Variants in SLC12A1 observed in about 807,000 individuals in gnomAD.
The protein encoded by SLC12A1 is Na-K-2Cl cotransporter.
SLC12A1 carries 89 observed loss-of-function variants against 130.4 expected under a neutral mutation model. The observed-to-expected ratio is 0.68, with a 90% CI of 0.58 to 0.81. SLC12A1 has a LOEUF of 0.81. Ranked by LOEUF, SLC12A1 falls within the 40% of genes least tolerant of loss-of-function variation. SLC12A1 has a pLI of 0.00. For missense variants in SLC12A1, 1,310 were observed against 1,336.4 expected, an observed-to-expected ratio of 0.98 and a Z score of 0.31; for synonymous variants, 499 against 460.0, an observed-to-expected ratio of 1.08 and a Z score of -1.09.
intron 14 of SLC12A1, among the ~76,000 whole-genome samples, chr15:48,251,223 T>G (rs2041644499): frequency 6.6e-6 from 1 of 151,988 alleles, no homozygotes; most frequent in South Asian, 2.1e-4. Flanking sequence ...TTTCTTTCTC[T>G]GACAACCAAG....
intron 2 of SLC12A1, among the ~76,000 whole-genome samples, chr15:48,213,750 C>T (rs1274227013): frequency 2.0e-5 from 3 of 152,050 alleles, no homozygotes. Context: ...GTCTCGATCT[C>T]CTGACCTCGT....
In SLC12A1 at chr15:48,207,670, T is replaced by C; in HGVS notation, c.-50T>C. 2.1e-6 allele frequency: 3 copies of C among 1,444,992 alleles called. No individual in the cohort carries two copies. The highest frequency in any genetic ancestry group is 2.8e-6 in the Non-Finnish European group (3 of 1,089,786). 89.5% of individuals were successfully genotyped at this position (1,444,992 alleles called of 1,614,324 possible). ...TTTTGATGAAGAAATATATAGATTT[T>C]TTAAAACAACCACAAAGTAGATAGC... On this transcript the variant is annotated 5_prime_UTR_variant, in exon 2 of 27. Coordinates refer to ENST00000380993, the MANE Select transcript of SLC12A1 (RefSeq NM_000338.3).
chr15:48,208,052 G>A lies in SLC12A1; in HGVS notation c.333G>A (p.Lys111=). 1 of 1,613,954 alleles carries A rather than the reference G, an allele frequency of 6.2e-7. No homozygotes were observed. Among genetic ancestry groups the A allele is most frequent in the African/African-American group, 1.3e-5 (1 of 75,034 alleles). Residue 111 remains lysine (K), a synonymous_variant, in exon 2 of 27, where the codon AAG becomes AAA. Transcript: ENST00000380993. ...FGHNTMDAVP[K]IEYYRNTGSI... ...ACAACACCATGGATGCCGTTCCCAA[G>A]ATAGAGTACTATCGTAACACCGGCA...
At chr15:48,294,659 A>G (rs2141122994) in intron 24 of SLC12A1, among the ~76,000 whole-genome samples, 1 of 152,330 alleles carries the variant, frequency 6.6e-6, no homozygotes, top group South Asian at 2.1e-4. Flanking sequence ...TTGCAGTGAT[A>G]TAATCAAACA....
intron 17 of SLC12A1, among the ~76,000 whole-genome samples, chr15:48,263,629 T>C (rs1442690008): frequency 6.7e-6 from 1 of 150,146 alleles, no homozygotes; most frequent in East Asian, 1.9e-4. Flanking sequence ...ATGCAGTGAG[T>C]CCCTGCCTAA....
chr15:48,270,750 GTATATATA>G (rs71458477), intron 19 of SLC12A1, among the ~76,000 whole-genome samples: 2 of 1,044 alleles, frequency 1.9e-3, no homozygotes, highest in Non-Finnish European at 2.7e-3. Context: ...GTGTATGTGT[GTATATATA>G]TATATATATA....
At chr15:48,288,252 G>A in intron 22 of SLC12A1, 78 bp downstream of exon 22, 1 of 1,367,540 alleles carries the variant, frequency 7.3e-7, no homozygotes, top group Non-Finnish European at 1.0e-6. Flanking sequence ...AGGTATATGG[G>A]AACAATACTG....
chr15:48,251,824 T>C, intron 15 of SLC12A1, 54 bp downstream of exon 15: 4 of 1,517,514 alleles, frequency 2.6e-6, no homozygotes, highest in Non-Finnish European at 3.6e-6. Flanking sequence ...TAACTACTCA[T>C]TTATTAAGCA....
intron 24 of SLC12A1, among the ~76,000 whole-genome samples, chr15:48,295,871 G>A (rs1197088362): frequency 6.6e-6 from 1 of 152,188 alleles, no homozygotes; most frequent in African/African-American, 2.4e-5. Context: ...TGTTGGCAAT[G>A]GCTGTTCCAA....
intron 10 of SLC12A1, among the ~76,000 whole-genome samples, chr15:48,242,141 C>T (rs1229270184): frequency 1.3e-5 from 2 of 152,204 alleles, no homozygotes; most frequent in African/African-American, 4.8e-5. Context: ...CCAGCCCCTA[C>T]ATTGTTCAGT....
chr15:48,245,000 T>C, intron 11 of SLC12A1, 96 bp downstream of exon 11: 1 of 1,139,562 alleles, frequency 8.8e-7, no homozygotes, highest in East Asian at 2.5e-5. Context: ...GATTGATTAT[T>C]GGCTGATAAG....
At chr15:48,225,846 A>G (rs888429964) in intron 4 of SLC12A1, 6 of 965,454 alleles carry the variant, frequency 6.2e-6, no homozygotes, top group African/African-American at 1.8e-5. Context: ...TCCTCTTTCA[A>G]CTGAGGTCTT....
chr15:48,288,302 C>G, intron 22 of SLC12A1, 103 bp from the exon 23 acceptor site: 2 of 1,134,474 alleles, frequency 1.8e-6, no homozygotes. Context: ...AAGACTATAA[C>G]TTAATTAAGA....
At chr15:48,206,858 AT>A (rs530661117) in intron 1 of SLC12A1, among the ~76,000 whole-genome samples, 48 of 152,150 alleles carry the variant, frequency 3.2e-4, no homozygotes, top group African/African-American at 1.0e-3. Context: ...CTATATTCAT[AT>A]TTTTTTAAGG....
chr15:48,226,987 T>C, intron 5 of SLC12A1: 1 of 816,922 alleles, frequency 1.2e-6, no homozygotes, highest in Non-Finnish European at 2.0e-6. Context: ...GAGGTGGATC[T>C]TTCTGTGACA....
chr15:48,246,871 T>G (rs1158188837), intron 11 of SLC12A1, 38 bp from the exon 12 acceptor site: 2 of 1,397,310 alleles, frequency 1.4e-6, no homozygotes, highest in East Asian at 4.5e-5. Flanking sequence ...AGATTCCAAA[T>G]CACAGAAAGT....
chr15:48,293,155 C>T (rs1257405068), intron 24 of SLC12A1, among the ~76,000 whole-genome samples: 1 of 152,196 alleles, frequency 6.6e-6, no homozygotes, highest in African/African-American at 2.4e-5. Context: ...GCCATCTGCC[C>T]GCCTTATCCT....
chr15:48,247,225 C>A, intron 12 of SLC12A1, 112 bp from the exon 13 acceptor site: 3 of 1,118,798 alleles, frequency 2.7e-6, no homozygotes, highest in Non-Finnish European at 3.9e-6. Context: ...TTAACTTGTG[C>A]CTCATCTTGT....
Position 48,267,627 on chromosome 15 carries a change from A to C in SLC12A1, c.2221A>C (p.Lys741Gln). Residue 741 changes from lysine to glutamine, a missense_variant, in exon 18 of 27, where the codon AAG becomes CAG. Lys to Gln is a moderately conservative substitution (Grantham distance 53). Coordinates refer to ENST00000380993, the MANE Select transcript of SLC12A1 (RefSeq NM_000338.3). ...GMAKKQAWLI[K>Q]NKIKAFYAAV... Reference sequence around the variant, plus strand: ...GGCGAAAAAACAGGCCTGGCTTATAAAGAACAAAATCAAGGCTTTTTATGC... The same window carrying C: ...GGCGAAAAAACAGGCCTGGCTTATACAGAACAAAATCAAGGCTTTTTATGC... 6.2e-7 allele frequency: 1 copy of C among 1,613,694 alleles called. No individual in the cohort carries two copies. Among genetic ancestry groups the C allele is most frequent in the Non-Finnish European group, 8.5e-7 (1 of 1,179,660 alleles).
Sources: allele counts gnomAD v4.1 joint callset (sites outside exome capture counted in the v4.1 genomes callset), GRCh38; gene constraint gnomAD v4.1.1; transcripts MANE v1.5; gene names NCBI Gene and HGNC (gene_info 2026-07-23, HGNC 2026-07-21).